Variants in ZNF846 observed in about 807,000 individuals in gnomAD.
ZNF846 encodes zinc finger protein 420 pseudogene.
Under a neutral mutation model 16.0 loss-of-function variants are expected in ZNF846, and 15 were observed. The observed-to-expected ratio is 0.94, with a 90% CI of 0.63 to 1.45. The LOEUF (loss-of-function observed/expected upper bound fraction) is 1.45. Ranked by LOEUF, ZNF846 falls within the 40% of genes most tolerant of loss-of-function variation. The pLI, the probability that ZNF846 is intolerant of heterozygous loss-of-function variation, is 0.00. For missense variants in ZNF846, 714 were observed against 622.3 expected, an observed-to-expected ratio of 1.15 and a Z score of -1.57; for synonymous variants, 229 against 212.0, an observed-to-expected ratio of 1.08 and a Z score of -0.70.
chr19:9,763,443 T>C, intron 2 of ZNF846, 35 bp from the exon 3 acceptor site: 3 of 1,558,958 alleles, frequency 1.9e-6, no homozygotes, highest in Non-Finnish European at 2.6e-6. Flanking sequence ...TTCAGCTAAG[T>C]ACCATCTCCT....
intron 1 of ZNF846, among the ~76,000 whole-genome samples, chr19:9,785,141 C>T (rs1033122457): frequency 4.6e-5 from 7 of 152,158 alleles, no homozygotes; most frequent in Admixed American, 3.9e-4. Context: ...CCTCACAATA[C>T]CCCGGCCCCA....
chr19:9,751,524 TG>T (rs1318266596), downstream of ZNF846, among the ~76,000 whole-genome samples: 1 of 152,162 alleles, frequency 6.6e-6, no homozygotes, highest in East Asian at 1.9e-4. Context: ...GAATGTACAT[TG>T]TAACATTCCT....
chr19:9,763,011 G>C (rs1273210637), intron 3 of ZNF846, among the ~76,000 whole-genome samples: 2 of 152,046 alleles, frequency 1.3e-5, no homozygotes, highest in African/African-American at 4.8e-5. Context: ...GGCCATGGTG[G>C]TGCACACCTG....
downstream of ZNF846, among the ~76,000 whole-genome samples, chr19:9,748,905 A>G (rs1266274537): frequency 1.3e-5 from 2 of 152,120 alleles, no homozygotes; most frequent in African/African-American, 4.8e-5. Flanking sequence ...CCAGCCTGCT[A>G]ATCTTCTCTT....
At chr19:9,776,426 C>T (rs2145304212) in intron 1 of ZNF846, among the ~76,000 whole-genome samples, 1 of 152,354 alleles carries the variant, frequency 6.6e-6, no homozygotes, top group East Asian at 1.9e-4. Context: ...CTCTGATATG[C>T]AGAAATAATG....
chr19:9,764,890 T>C (rs2045289770), intron 2 of ZNF846, 46 bp downstream of exon 2: 2 of 1,611,844 alleles, frequency 1.2e-6, no homozygotes, highest in Non-Finnish European at 1.7e-6. Context: ...CTACCGATGA[T>C]GGCTACAAGC....
At chr19:9,752,752 T>A (rs912102928), downstream of ZNF846, among the ~76,000 whole-genome samples, 1 of 151,818 alleles carries the variant, frequency 6.6e-6, no homozygotes, top group Non-Finnish European at 1.5e-5. Flanking sequence ...TTAATTTACA[T>A]CCTTTCCAGC....
intron 1 of ZNF846, among the ~76,000 whole-genome samples, chr19:9,766,615 C>T (rs577504352): frequency 1.3e-4 from 20 of 152,280 alleles, no homozygotes; most frequent in East Asian, 7.7e-4. Flanking sequence ...TGGTGGCTCA[C>T]GCCTGTAATC....
chr19:9,750,969 G>C (rs542142889), downstream of ZNF846, among the ~76,000 whole-genome samples: 3 of 152,148 alleles, frequency 2.0e-5, no homozygotes, highest in South Asian at 4.1e-4. Flanking sequence ...CCTGGTATAT[G>C]ATGACGTCAA....
chr19:9,769,744 G>C (rs1016707444), upstream of ZNF846, among the ~76,000 whole-genome samples: 5 of 152,146 alleles, frequency 3.3e-5, no homozygotes, highest in East Asian at 9.7e-4. Context: ...GGGAAGCCGA[G>C]GCGGGTGGAA....
At chr19:9,758,178 T>A (rs371123389) in exon 6 of ZNF846, 46 of 1,613,274 alleles carry the variant, frequency 2.9e-5, no homozygotes, top group Non-Finnish European at 3.7e-5. Context: ...GATTCTTGTA[T>A]GATCAGTAAG....
downstream of ZNF846, among the ~76,000 whole-genome samples, chr19:9,750,944 C>A (rs541036351): frequency 1.3e-5 from 2 of 152,288 alleles, no homozygotes; most frequent in East Asian, 3.9e-4. Flanking sequence ...GTTTGTTTAA[C>A]TTTAATCAGT....
At position 9,758,534 on chromosome 19, in the gene ZNF846, CTGGT is replaced by C; in HGVS notation, c.539_542del (p.Asn180SerfsTer37). ...TATTCTGCCTAGTAAGATTTGGAAA[CTGGT>C]TGAAGGCTTTTTCATGTTTAACACA... On this transcript the variant is annotated frameshift_variant, in exon 6 of 6. Transcript: ENST00000397902. LOFTEE classifies it low-confidence loss of function (END_TRUNC). The C allele has an allele frequency of 1.2e-6, 2 of 1,613,306 alleles. No homozygotes were observed. The highest frequency in any genetic ancestry group is 1.7e-6 in the Non-Finnish European group (2 of 1,179,930).
At chr19:9,762,116 T>C in exon 4 of ZNF846, 1 of 1,613,798 alleles carries the variant, frequency 6.2e-7, no homozygotes, top group Non-Finnish European at 8.5e-7. Context: ...TCCTCAGCTC[T>C]TCCATTTGTT....
At chr19:9,754,589 C>CAAAAAAAAAAAAAAAAAAA (rs1203086590), downstream of ZNF846, among the ~76,000 whole-genome samples, 19 of 104,002 alleles carry the variant, frequency 1.8e-4, no homozygotes, top group African/African-American at 5.8e-4. Context: ...AAAAAAAAAG[C>CAAAAAAAAAAAAAAAAAAA]AAAGGGCAAC....
chr19:9,778,232 T>C (rs59655853), intron 1 of ZNF846, among the ~76,000 whole-genome samples: 21,178 of 151,948 alleles, frequency 0.14, 1,685 homozygotes, highest in Admixed American at 0.24. Context: ...AATCAAGAGA[T>C]AGAAAACCTA....
intron 1 of ZNF846, among the ~76,000 whole-genome samples, chr19:9,765,635 T>C (rs1007482628): frequency 6.6e-6 from 1 of 152,192 alleles, no homozygotes; most frequent in Non-Finnish European, 1.5e-5. Context: ...ATTGCACCAC[T>C]GCACTCCAGC....
chr19:9,772,119 C>T (rs150840085), upstream of ZNF846, among the ~76,000 whole-genome samples: 4 of 152,134 alleles, frequency 2.6e-5, no homozygotes, highest in Non-Finnish European at 4.4e-5. Flanking sequence ...CTATTTTTCC[C>T]CATTGAATTG....
At chr19:9,763,075 G>C (rs952543113) in intron 3 of ZNF846, among the ~76,000 whole-genome samples, 5 of 151,958 alleles carry the variant, frequency 3.3e-5, no homozygotes, top group African/African-American at 7.3e-5. Context: ...ATCCAGGAGG[G>C]GGGGCTTTGC....
Sources: allele counts gnomAD v4.1 joint callset (sites outside exome capture counted in the v4.1 genomes callset), GRCh38; gene constraint gnomAD v4.1.1; transcripts MANE v1.5; gene names NCBI Gene and HGNC (gene_info 2026-07-23, HGNC 2026-07-21).